The following FANCC variants were observed in gnomAD, a reference collection of about 807,000 sequenced individuals.
FANCC encodes Fanconi anemia group C protein.
In FANCC, 55 loss-of-function variants were observed where a neutral mutation model predicts 71.3. The observed-to-expected ratio is 0.77, with a 90% CI of 0.62 to 0.97. FANCC has a LOEUF of 0.97. Among genes scored for constraint, FANCC ranks in the 50% least tolerant of loss-of-function variants. FANCC has a pLI of 0.00. For missense variants in FANCC, 678 were observed against 670.9 expected (o/e 1.01, Z -0.12); for synonymous variants, 275 against 244.9 (o/e 1.12, Z -1.15).
rs138060965 is a variant in FANCC at position 95,151,320 on chromosome 9, G to A, written c.522-1233C>T. Among the ~76,000 whole-genome samples the A allele has an allele frequency of 1.0e-3, 159 of 152,176 alleles. 2 individuals are homozygous for A. The highest frequency in any genetic ancestry group is 3.6e-3 in the African/African-American group (148 of 41,512). The stretch of plus-strand genomic sequence containing the variant: ...CACACAGCACGTGCTCAACAAATCC[G>A]TCTCCAGTGAATGATAAATAAAATG... On this transcript the variant is annotated intron_variant, in intron 6 of 14. Transcript: ENST00000289081.
At chr9:95,186,268 T>A (rs1462472743) in intron 4 of FANCC, among the ~76,000 whole-genome samples, 1 of 152,172 alleles carries the variant, frequency 6.6e-6, no homozygotes, top group African/African-American at 2.4e-5. Flanking sequence ...TTTAAACCGA[T>A]CACATTTTCT....
chr9:95,219,007 A>G (rs1330876101), intron 4 of FANCC, among the ~76,000 whole-genome samples: 1 of 152,204 alleles, frequency 6.6e-6, no homozygotes, highest in African/African-American at 2.4e-5. Flanking sequence ...GGGAGAGACA[A>G]AGAGACCCAA....
chr9:95,270,916 T>TAG (rs1832677126), intron 1 of FANCC, among the ~76,000 whole-genome samples: 2 of 152,184 alleles, frequency 1.3e-5, no homozygotes, highest in African/African-American at 4.8e-5. Context: ...ATGTTAGGTG[T>TAG]AGTGGAGAGG....
At chr9:95,310,581 G>C (rs775450679) in intron 1 of FANCC, among the ~76,000 whole-genome samples, 2 of 152,164 alleles carry the variant, frequency 1.3e-5, no homozygotes, top group Admixed American at 6.5e-5. Context: ...ACAGACCTCA[G>C]ATGTATTCAG....
intron 4 of FANCC, among the ~76,000 whole-genome samples, chr9:95,237,710 A>G (rs1443706222): frequency 2.0e-5 from 3 of 152,264 alleles, no homozygotes; most frequent in Admixed American, 2.0e-4. Context: ...TCAACCCTAC[A>G]TTTTATAAAA....
intron 4 of FANCC, among the ~76,000 whole-genome samples, chr9:95,211,854 A>G (rs1356335507): frequency 6.6e-6 from 1 of 151,538 alleles, no homozygotes; most frequent in African/African-American, 2.4e-5. Context: ...AGAGAAATGA[A>G]TGGTAAGAAA....
At chr9:95,263,478 A>G (rs201981241) in intron 1 of FANCC, among the ~76,000 whole-genome samples, 26 of 148,006 alleles carry the variant, frequency 1.8e-4, no homozygotes, top group East Asian at 5.9e-4. Context: ...TTATATATAT[A>G]TGTGTGTGTG....
intron 1 of FANCC, among the ~76,000 whole-genome samples, chr9:95,283,971 T>C (rs974918213): frequency 1.3e-5 from 2 of 152,222 alleles, no homozygotes; most frequent in African/African-American, 2.4e-5. Context: ...GGGAAAAACC[T>C]AGTAGGGTTG....
Position 95,132,471 on chromosome 9 carries a change from G to A in FANCC, c.843+2875C>T, listed in dbSNP as rs117456194. On this transcript the variant is annotated intron_variant, in intron 8 of 14. Transcript: ENST00000289081. Reference sequence around the variant, plus strand: ...TGAAGCTATGGATTATGGTCTTCCCGTGCCCATGCTGTCAAGGAAAACACA... The same window carrying A: ...TGAAGCTATGGATTATGGTCTTCCCATGCCCATGCTGTCAAGGAAAACACA... 3.3e-3 allele frequency among the ~76,000 whole-genome samples: 509 copies of A among 152,238 alleles called. 9 individuals are homozygous for A. The South Asian group carries it at 0.043, about 13-fold the overall frequency.
At chr9:95,261,234 C>A (rs1342886369) in intron 1 of FANCC, among the ~76,000 whole-genome samples, 1 of 152,222 alleles carries the variant, frequency 6.6e-6, no homozygotes, top group African/African-American at 2.4e-5. Flanking sequence ...CAACTTTTTT[C>A]ACAGATGTAC....
At chr9:95,238,065 C>T (rs946998391) in intron 4 of FANCC, among the ~76,000 whole-genome samples, 1 of 152,150 alleles carries the variant, frequency 6.6e-6, no homozygotes, top group Non-Finnish European at 1.5e-5. Context: ...ACTCATTCTC[C>T]GTTGCTTCTC....
At chr9:95,263,995 C>T (rs113012415) in intron 1 of FANCC, among the ~76,000 whole-genome samples, 24 of 152,268 alleles carry the variant, frequency 1.6e-4, no homozygotes, top group African/African-American at 4.1e-4. Flanking sequence ...ATACTCAGAA[C>T]GGTAACAGTC....
chr9:95,248,734 A>T (rs969855035), intron 2 of FANCC, among the ~76,000 whole-genome samples: 3 of 152,018 alleles, frequency 2.0e-5, no homozygotes, highest in African/African-American at 4.8e-5. Context: ...ATAAGAAGAG[A>T]TCTTAATATC....
chr9:95,160,431 A>C (rs1830677199), intron 6 of FANCC, among the ~76,000 whole-genome samples: 1 of 152,004 alleles, frequency 6.6e-6, no homozygotes, highest in Non-Finnish European at 1.5e-5. Context: ...GTTACTACAG[A>C]CTTGTAGTAC....
chr9:95,228,782 G>A (rs1023284098), intron 4 of FANCC, among the ~76,000 whole-genome samples: 11 of 152,060 alleles, frequency 7.2e-5, no homozygotes, highest in Admixed American at 7.2e-4. Flanking sequence ...GAGGAGCAGT[G>A]AAGGCAGATG....
In FANCC at chr9:95,298,744, A is replaced by G. The variant is rs1875835; in HGVS notation, c.-79+18782T>C. ...TGCCATCTTCACAAAGACTACAGCC[A>G]TCCAAAATAAATAAAAGCAGTCAAA... is the stretch of plus-strand genomic sequence containing the variant. On this transcript the variant is annotated intron_variant, in intron 1 of 14. Coordinates refer to ENST00000289081, the MANE Select transcript of FANCC (RefSeq NM_000136.3). 3.3e-3 allele frequency among the ~76,000 whole-genome samples: 508 copies of G among 152,350 alleles called. 10 individuals carry two copies. The East Asian group carries it at 0.043, about 13-fold the overall frequency.
Position 95,273,550 on chromosome 9 carries a change from C to T in FANCC, c.-78-24181G>A, listed in dbSNP as rs76431175. Among the ~76,000 whole-genome samples, 541 of 152,330 alleles carry T rather than the reference C, an allele frequency of 3.6e-3. 5 individuals are homozygous for T. The highest frequency in any genetic ancestry group is 5.0e-3 in the Non-Finnish European group (340 of 68,030). ...ACATCTCAGGGTGTCCACATTTCTG[C>T]TCCGTTCAAGCACATCTCTCTGTAC... is the stretch of plus-strand genomic sequence containing the variant. On this transcript the variant is annotated intron_variant, in intron 1 of 14. Coordinates refer to ENST00000289081, the MANE Select transcript of FANCC (RefSeq NM_000136.3).
At chr9:95,115,639 A>G (rs2072340600) in intron 11 of FANCC, among the ~76,000 whole-genome samples, 1 of 152,234 alleles carries the variant, frequency 6.6e-6, no homozygotes, top group South Asian at 2.1e-4. Flanking sequence ...CAGCATCTGC[A>G]AAAGTTTTCA....
chr9:95,269,596 C>G lies in FANCC; in HGVS notation c.-78-20227G>C, dbSNP rs190437040. On this transcript the variant is annotated intron_variant, in intron 1 of 14. Coordinates refer to ENST00000289081, the MANE Select transcript of FANCC (RefSeq NM_000136.3). The stretch of plus-strand genomic sequence containing the variant: ...TAAACATATAGAATACAACTGAAGG[C>G]AAAGAGCGGGTTCTTTCTGGAGCCC... Among the ~76,000 whole-genome samples the G allele has an allele frequency of 1.4e-3, 207 of 152,280 alleles. 2 individuals are homozygous for G. Among genetic ancestry groups the G allele is most frequent in the African/African-American group, 4.8e-3 (198 of 41,562 alleles).
Sources: gnomAD v4.1 joint callset for allele counts (sites outside exome capture counted in the v4.1 genomes callset) on GRCh38, gnomAD v4.1.1 for gene constraint, MANE v1.5 for transcripts, NCBI Gene and HGNC (gene_info 2026-07-23, HGNC 2026-07-21) for gene names.